AFF1: variants seen among roughly 807,000 people sequenced by gnomAD.
AFF1 encodes the protein AF4/FMR2 family member 1.
Under a neutral mutation model 121.7 loss-of-function variants are expected in AFF1, and 48 were observed. The observed-to-expected ratio is 0.39, with a 90% CI of 0.31 to 0.50. The LOEUF is 0.50. Ranked by LOEUF, AFF1 falls within the 20% of genes least tolerant of loss-of-function variation. AFF1 has a pLI of 0.76. For missense variants in AFF1, 1,523 were observed against 1,511.7 expected, an observed-to-expected ratio of 1.01 and a Z score of -0.12; for synonymous variants, 613 against 563.0, an observed-to-expected ratio of 1.09 and a Z score of -1.26.
intron 2 of AFF1, among the ~76,000 whole-genome samples, chr4:86,969,433 T>C (rs1402836083): frequency 6.7e-6 from 1 of 149,738 alleles, no homozygotes; most frequent in African/African-American, 2.5e-5. Context: ...GAGCTGAGAT[T>C]GTGCCACTGC....
intron 8 of AFF1, among the ~76,000 whole-genome samples, chr4:87,097,190 TG>T (rs1181001453): frequency 6.6e-6 from 1 of 152,176 alleles, no homozygotes; most frequent in Non-Finnish European, 1.5e-5. Context: ...CGTTAAAGCC[TG>T]GGTATCCCAA....
At chr4:87,016,610 A>G (rs943665683) in intron 2 of AFF1, among the ~76,000 whole-genome samples, 1 of 152,114 alleles carries the variant, frequency 6.6e-6, no homozygotes, top group Non-Finnish European at 1.5e-5. Flanking sequence ...AAATTCACTC[A>G]TGTCAAGTGA....
intron 12 of AFF1, among the ~76,000 whole-genome samples, chr4:87,117,848 T>A: frequency 6.6e-6 from 1 of 152,078 alleles, no homozygotes; most frequent in South Asian, 2.1e-4. Context: ...GGACAGGTTG[T>A]CCCCCCTTCC....
chr4:87,122,029 G>C (rs1369333464), intron 12 of AFF1, among the ~76,000 whole-genome samples: 1 of 152,214 alleles, frequency 6.6e-6, no homozygotes, highest in Non-Finnish European at 1.5e-5. Context: ...AAGTAGCCTT[G>C]TTAATGCTTA....
At chr4:87,011,422 G>C (rs1384180729) in intron 2 of AFF1, among the ~76,000 whole-genome samples, 1 of 152,090 alleles carries the variant, frequency 6.6e-6, no homozygotes, top group Non-Finnish European at 1.5e-5. Flanking sequence ...CTCTAGGGAG[G>C]GAAAGTTTTC....
chr4:87,136,494 A>G lies in AFF1; in HGVS notation c.*793A>G, dbSNP rs1049476228. On this transcript the variant is annotated 3_prime_UTR_variant, in exon 21 of 21. Coordinates refer to ENST00000395146, the MANE Select transcript of AFF1 (RefSeq NM_001166693.3). ...CTGCACAGGAGGACTTGGCGCTGCCATTTCCTACCCCTGCCATTTCCCACC... is the reference window on the plus strand; with the variant it reads ...CTGCACAGGAGGACTTGGCGCTGCCGTTTCCTACCCCTGCCATTTCCCACC... 1 of 232,526 alleles carries G rather than the reference A, an allele frequency of 4.3e-6. No individual in the cohort carries two copies. The highest frequency in any genetic ancestry group is 5.6e-5 in the Admixed American group (1 of 17,754). The allele number at this position is 232,526 out of a possible 1,614,324, so 14.4% of individuals were successfully genotyped here.
rs1027403533 is a variant in AFF1, at chr4:87,017,753, A to G, written c.39-28413A>G. 5.3e-5 allele frequency among the ~76,000 whole-genome samples: 8 copies of G among 152,332 alleles called. No individual in the cohort carries two copies. In the South Asian group the frequency reaches 1.7e-3, roughly 32 times the overall value. On this transcript the variant is annotated intron_variant, in intron 2 of 20. Coordinates refer to ENST00000395146, the MANE Select transcript of AFF1 (RefSeq NM_001166693.3). ...GTGAAGCGTCTGGAAATTATCGTTC[A>G]GACTTGGGTCCTGCCTGGGGAAGGT... is the stretch of plus-strand genomic sequence containing the variant.
At chr4:87,025,482 G>A (rs1334475144) in intron 2 of AFF1, among the ~76,000 whole-genome samples, 2 of 152,120 alleles carry the variant, frequency 1.3e-5, no homozygotes, top group East Asian at 1.9e-4. Flanking sequence ...AGTTCCTTCC[G>A]TCCTGCATTA....
intron 4 of AFF1, among the ~76,000 whole-genome samples, chr4:87,059,693 C>T (rs1720532060): frequency 1.3e-5 from 2 of 152,220 alleles, no homozygotes; most frequent in African/African-American, 4.8e-5. Context: ...TCTCTGCAGC[C>T]TTGAGTTCTG....
intron 1 of AFF1, among the ~76,000 whole-genome samples, chr4:86,937,969 GA>G (rs1319814663): frequency 6.6e-6 from 1 of 152,190 alleles, no homozygotes; most frequent in Non-Finnish European, 1.5e-5. Flanking sequence ...AAGTTGAAAA[GA>G]GGGGTGAAAA....
intron 2 of AFF1, among the ~76,000 whole-genome samples, chr4:86,965,019 G>T (rs1450793048): frequency 6.6e-6 from 1 of 152,216 alleles, no homozygotes; most frequent in Non-Finnish European, 1.5e-5. Flanking sequence ...GTCATAGAGA[G>T]ATGGAGGAGT....
At position 87,135,644 on chromosome 4, in the gene AFF1, G is replaced by T; in HGVS notation, c.3600G>T (p.Leu1200=). 6.2e-7 allele frequency: 1 copy of T among 1,612,672 alleles called. No individual in the cohort carries two copies. The highest frequency in any genetic ancestry group is 8.5e-7 in the Non-Finnish European group (1 of 1,179,328). ...CCCTCAACAGCAGTTTGGTGGACCTGGTGCACTATACACGACAGGGTTTTC... is the reference window on the plus strand; with the variant it reads ...CCCTCAACAGCAGTTTGGTGGACCTTGTGCACTATACACGACAGGGTTTTC... ...TLALNSSLVD[L]VHYTRQGFQQ... Residue 1200 remains leucine, a synonymous_variant, in exon 21 of 21, where the codon CTG becomes CTT. Transcript: ENST00000395146.
At chr4:87,051,608 G>A (rs6531947) in intron 4 of AFF1, among the ~76,000 whole-genome samples, 9,627 of 151,924 alleles carry the variant, frequency 0.063, 656 homozygotes, top group African/African-American at 0.16. Context: ...CTACAGGCAT[G>A]TGCCACCATG....
rs554274580 is a variant in AFF1, at chr4:87,081,152, A to G, written c.1060-2968A>G. Reference sequence around the variant, plus strand: ...TTGTAGTTTTTCTCTAATGAAATGAATTTTTTTTTTTTTTTTTTTTTTTTT... The same window carrying G: ...TTGTAGTTTTTCTCTAATGAAATGAGTTTTTTTTTTTTTTTTTTTTTTTTT... On this transcript the variant is annotated intron_variant, in intron 4 of 20. Coordinates refer to ENST00000395146, the MANE Select transcript of AFF1 (RefSeq NM_001166693.3). 9.4e-3 allele frequency among the ~76,000 whole-genome samples: 840 copies of G among 89,728 alleles called. 8 individuals are homozygous for G. Among genetic ancestry groups the G allele is most frequent in the Non-Finnish European group, 0.011 (524 of 48,752 alleles). The allele number at this position is 89,728 out of a possible 152,430, so 58.9% of individuals were successfully genotyped here.
intron 4 of AFF1, among the ~76,000 whole-genome samples, chr4:87,052,647 A>G (rs1731391090): frequency 6.6e-6 from 1 of 151,766 alleles, no homozygotes; most frequent in South Asian, 2.1e-4. Flanking sequence ...TTTTTAAAAA[A>G]CTGTAACTCT....
At chr4:86,989,731 G>A (rs1187697724) in intron 2 of AFF1, among the ~76,000 whole-genome samples, 2 of 152,164 alleles carry the variant, frequency 1.3e-5, no homozygotes, top group African/African-American at 4.8e-5. Flanking sequence ...GTACACATAT[G>A]CATACTGCAG....
At chr4:87,094,802 T>TACC in intron 7 of AFF1, 113 bp from the exon 8 acceptor site, 1 of 903,808 alleles carries the variant, frequency 1.1e-6, no homozygotes. Flanking sequence ...GCTAAGATTG[T>TACC]ACCAAGTGCA....
intron 2 of AFF1, among the ~76,000 whole-genome samples, chr4:86,954,720 C>A (rs1721616844): frequency 6.6e-6 from 1 of 152,060 alleles, no homozygotes; most frequent in Non-Finnish European, 1.5e-5. Context: ...CAGAGCAAGA[C>A]CCTGTCTCAA....
intron 2 of AFF1, among the ~76,000 whole-genome samples, chr4:87,013,032 C>CTTTTTTTTTGTT (rs1391718271): frequency 3.2e-5 from 3 of 93,488 alleles, no homozygotes; most frequent in Middle Eastern, 7.6e-3. Context: ...CTATCAAGTT[C>CTTTTTTTTTGTT]TTTTTTTTTT....
Sources: allele counts gnomAD v4.1 joint callset (sites outside exome capture counted in the v4.1 genomes callset), GRCh38; gene constraint gnomAD v4.1.1; transcripts MANE v1.5; gene names NCBI Gene and HGNC (gene_info 2026-07-23, HGNC 2026-07-21).